The following GAN variants were observed in gnomAD, a reference collection of about 807,000 sequenced individuals.
GAN encodes gigaxonin, also known as epididymis secretory sperm binding protein.
In GAN, 48 loss-of-function variants were observed where a neutral mutation model predicts 71.3. The observed-to-expected ratio is 0.67, with a 90% CI of 0.53 to 0.86. The LOEUF (loss-of-function observed/expected upper bound fraction) is 0.86. GAN is among the 40% of genes least tolerant of loss of function. The probability of loss-of-function intolerance (pLI) is 0.00; values close to 1 mark genes in which losing one functional copy is unlikely to be tolerated. For missense variants in GAN, 928 were observed against 770.1 expected, an observed-to-expected ratio of 1.21 and a Z score of -2.43; for synonymous variants, 386 against 276.8, an observed-to-expected ratio of 1.39 and a Z score of -3.92.
Position 81,377,547 on chromosome 16 carries a change from G to A in GAN, c.1745G>A (p.Arg582His), listed in dbSNP as rs773845697. The stretch of plus-strand genomic sequence containing the variant: ...CGCATTGCGAATTGCAAGCTTTTCC[G>A]CCTGCAGCTTCAGCAAGGCTTATTC... ...ALRIANCKLF[R>H]LQLQQGLFRI... Residue 582 changes from arginine (R) to histidine (H), a missense_variant, in exon 11 of 11, where the codon CGC (arginine) becomes CAC (histidine). Coordinates refer to ENST00000648994, the MANE Select transcript of GAN (RefSeq NM_022041.4). 7.4e-6 allele frequency: 12 copies of A among 1,614,164 alleles called. No individual in the cohort carries two copies. The highest frequency in any genetic ancestry group is 3.3e-5 in the South Asian group (3 of 91,080).
At chr16:81,375,567 T>G (rs1319792423) in intron 9 of GAN, among the ~76,000 whole-genome samples, 1 of 151,996 alleles carries the variant, frequency 6.6e-6, no homozygotes, top group Non-Finnish European at 1.5e-5. Context: ...CTCAAGTGAT[T>G]CACCTGCCTC....
intron 9 of GAN, among the ~76,000 whole-genome samples, chr16:81,376,183 G>A (rs2150697943): frequency 6.6e-6 from 1 of 152,006 alleles, no homozygotes; most frequent in South Asian, 2.1e-4. Context: ...AAAGCAGTGG[G>A]GCACTTTTTT....
intron 9 of GAN, 98 bp downstream of exon 9, chr16:81,365,576 A>C: frequency 1.6e-6 from 2 of 1,218,598 alleles, no homozygotes; most frequent in Non-Finnish European, 2.4e-6. Context: ...CACTTTATTA[A>C]ATTATGGATT....
At chr16:81,357,448 A>G (rs1022441580) in intron 4 of GAN, among the ~76,000 whole-genome samples, 6 of 152,234 alleles carry the variant, frequency 3.9e-5, no homozygotes, top group Middle Eastern at 6.8e-3. Context: ...ATCCTTTTTT[A>G]TGGCTGCATA....
chr16:81,377,414 G>C lies in GAN; in HGVS notation c.1613-1G>C. On this transcript the variant is annotated splice_acceptor_variant, in intron 10 of 10. Transcript: ENST00000648994. LOFTEE classifies it high-confidence loss of function. ...CACCCTTGCTTATTTCTGTGGCTTA[G>C]GTACCAATTACGACTACGTGCGTGA... The C allele has an allele frequency of 6.2e-7, 1 of 1,613,636 alleles. No individual in the cohort carries two copies. The highest frequency in any genetic ancestry group is 8.5e-7 in the Non-Finnish European group (1 of 1,179,566).
rs1904303115 is a variant in GAN at position 81,381,216 on chromosome 16, A to G, written c.*3620A>G. On this transcript the variant is annotated 3_prime_UTR_variant, in exon 11 of 11. Coordinates refer to ENST00000648994, the MANE Select transcript of GAN (RefSeq NM_022041.4). ...AGAAATGTCTTAGCTGCTGTGGTCC[A>G]TTAGAGTTCCCTTTGGTACATTCCT... 6.6e-6 allele frequency: 1 copy of G among 152,202 alleles called. No homozygotes were observed. The highest frequency in any genetic ancestry group is 1.5e-5 in the Non-Finnish European group (1 of 68,036). 9.4% of individuals were successfully genotyped at this position (152,202 alleles called of 1,614,324 possible).
rs1904287611 is a variant in GAN, at chr16:81,377,907, T to C, written c.*311T>C. 1 of 402,274 alleles carries C rather than the reference T, an allele frequency of 2.5e-6. No homozygotes were observed. Among genetic ancestry groups the C allele is most frequent in the South Asian group, 2.7e-5 (1 of 37,448 alleles). 24.9% of individuals were successfully genotyped at this position (402,274 alleles called of 1,614,324 possible). On this transcript the variant is annotated 3_prime_UTR_variant, in exon 11 of 11. Coordinates refer to ENST00000648994, the MANE Select transcript of GAN (RefSeq NM_022041.4). ...TTGCTATCATGTAAAATATCAAAGTTAAAATACTAAGGTGCATTTTCCCTG... is the reference window on the plus strand; with the variant it reads ...TTGCTATCATGTAAAATATCAAAGTCAAAATACTAAGGTGCATTTTCCCTG...
intron 1 of GAN, among the ~76,000 whole-genome samples, chr16:81,350,836 A>G (rs529587713): frequency 6.6e-6 from 1 of 152,130 alleles, no homozygotes; most frequent in Non-Finnish European, 1.5e-5. Flanking sequence ...TCTTTAACAT[A>G]GCACAAAAGA....
chr16:81,338,850 G>A (rs1197688964), intron 1 of GAN, among the ~76,000 whole-genome samples: 2 of 152,178 alleles, frequency 1.3e-5, no homozygotes, highest in African/African-American at 4.8e-5. Context: ...CCTTTGAGAG[G>A]CCCTGATTTC....
chr16:81,324,329 C>T (rs1909311017), intron 1 of GAN, among the ~76,000 whole-genome samples: 1 of 151,728 alleles, frequency 6.6e-6, no homozygotes, highest in Non-Finnish European at 1.5e-5. Context: ...TATGAGTTTG[C>T]CGAAGGAAGT....
At chr16:81,342,439 C>T (rs1307846419) in intron 1 of GAN, among the ~76,000 whole-genome samples, 1 of 152,196 alleles carries the variant, frequency 6.6e-6, no homozygotes, top group Non-Finnish European at 1.5e-5. Flanking sequence ...CTGTCTCAGA[C>T]CACAGTGCAA....
chr16:81,327,152 C>T (rs1314966825), intron 1 of GAN, among the ~76,000 whole-genome samples: 2 of 152,210 alleles, frequency 1.3e-5, no homozygotes, highest in Non-Finnish European at 2.9e-5. Context: ...AGACCGAATT[C>T]TTTATTCAGA....
chr16:81,353,887 G>GT, intron 2 of GAN, among the ~76,000 whole-genome samples: 1 of 152,178 alleles, frequency 6.6e-6, no homozygotes, highest in East Asian at 1.9e-4. Context: ...TGCGTACAGT[G>GT]TTTTGGGATG....
At chr16:81,365,598 G>A (rs901720169) in intron 9 of GAN, 120 bp downstream of exon 9, 38 of 951,346 alleles carry the variant, frequency 4.0e-5, no homozygotes, top group Non-Finnish European at 5.8e-5. Context: ...AGGAGATAAC[G>A]TCTCATGCAT....
intron 9 of GAN, among the ~76,000 whole-genome samples, chr16:81,369,652 C>T (rs376510505): frequency 1.5e-4 from 23 of 152,280 alleles, no homozygotes; most frequent in African/African-American, 5.3e-4. Flanking sequence ...AGTGCAGTGG[C>T]GTGATCTCGG....
intron 1 of GAN, among the ~76,000 whole-genome samples, chr16:81,332,661 G>A (rs1443649594): frequency 6.6e-6 from 1 of 152,170 alleles, no homozygotes; most frequent in Non-Finnish European, 1.5e-5. Context: ...GCTTGCAACT[G>A]CCATGTCTCC....
intron 1 of GAN, among the ~76,000 whole-genome samples, chr16:81,348,355 T>G (rs1910189422): frequency 6.6e-6 from 1 of 152,246 alleles, no homozygotes; most frequent in Non-Finnish European, 1.5e-5. Context: ...TTTTCTTTTT[T>G]CCTTGAACTT....
At chr16:81,355,280 G>A (rs889833505) in intron 3 of GAN, among the ~76,000 whole-genome samples, 5 of 152,160 alleles carry the variant, frequency 3.3e-5, no homozygotes, top group Non-Finnish European at 7.3e-5. Context: ...GAAGGTTCTG[G>A]GAGTGAAGGT....
At chr16:81,374,486 T>G (rs1489891359) in intron 9 of GAN, among the ~76,000 whole-genome samples, 1 of 152,262 alleles carries the variant, frequency 6.6e-6, no homozygotes, top group Non-Finnish European at 1.5e-5. Flanking sequence ...CCGTCATTCC[T>G]TCTGCATTTA....
Sources: allele counts gnomAD v4.1 joint callset (sites outside exome capture counted in the v4.1 genomes callset), GRCh38; gene constraint gnomAD v4.1.1; transcripts MANE v1.5; gene names NCBI Gene and HGNC (gene_info 2026-07-23, HGNC 2026-07-21).